The following RASGRP3 variants were observed in gnomAD, a reference collection of about 807,000 sequenced individuals.
RASGRP3 encodes the protein RAS guanyl releasing protein 3.
A neutral mutation model predicts 82.7 loss-of-function variants in RASGRP3; 54 were observed. That is an observed-to-expected ratio of 0.65 (90% CI 0.52 to 0.82). The LOEUF (loss-of-function observed/expected upper bound fraction) is 0.82. RASGRP3 is among the 40% of genes least tolerant of loss of function. The pLI, the probability that RASGRP3 is intolerant of heterozygous loss-of-function variation, is 0.00. For synonymous variants in RASGRP3, 309 were observed against 300.5 expected, an observed-to-expected ratio of 1.03 and a Z score of -0.29; for missense variants, 861 against 828.9, an observed-to-expected ratio of 1.04 and a Z score of -0.48.
chr2:33,561,740 T>C (rs1229177437), intron 17 of RASGRP3, among the ~76,000 whole-genome samples: 1 of 152,108 alleles, frequency 6.6e-6, no homozygotes, highest in East Asian at 1.9e-4. Context: ...ACAGAAAAGG[T>C]ACGTGTGTTT....
chr2:33,534,694 ATTTTTT>A (rs71910431), intron 11 of RASGRP3, among the ~76,000 whole-genome samples: 44 of 122,208 alleles, frequency 3.6e-4, no homozygotes, highest in African/African-American at 1.3e-3. Flanking sequence ...ACACCCAGCA[ATTTTTT>A]TTTTTTTTTT....
Position 33,529,486 on chromosome 2 carries a change from T to G in RASGRP3, c.1083+2074T>G, listed in dbSNP as rs867457296. Among the ~76,000 whole-genome samples, 24 of 6,080 alleles carry G rather than the reference T, an allele frequency of 3.9e-3. 1 individual carries two copies. Among genetic ancestry groups the G allele is most frequent in the Non-Finnish European group, 6.6e-3 (23 of 3,470 alleles). The allele number at this position is 6,080 out of a possible 152,430, so 4.0% of individuals were successfully genotyped here. A position where few individuals can be genotyped will look rare whatever the true frequency, so the allele number is the denominator to read the frequency against. ...CTGGGCGACAGAGCGAGACTCCATC[T>G]CAAAAAAAAAAAAATTCAGGAGTAC... On this transcript the variant is annotated intron_variant, in intron 10 of 17. Transcript: ENST00000403687.
At chr2:33,479,884 A>G (rs906470320) in intron 1 of RASGRP3, among the ~76,000 whole-genome samples, 7 of 151,878 alleles carry the variant, frequency 4.6e-5, no homozygotes, top group Non-Finnish European at 7.4e-5. Context: ...AGCACCAGGT[A>G]GTATGTAATC....
At chr2:33,547,935 A>T (rs1444310435) in intron 13 of RASGRP3, among the ~76,000 whole-genome samples, 1 of 152,122 alleles carries the variant, frequency 6.6e-6, no homozygotes, top group Admixed American at 6.6e-5. Flanking sequence ...CCTCCTGCCA[A>T]TGAGAAAAGG....
rs1674482750 is a variant in RASGRP3 at position 33,543,715 on chromosome 2, A to C, written c.1394+88A>C. 23 of 911,628 alleles carry C rather than the reference A, an allele frequency of 2.5e-5. No individual in the cohort carries two copies. In the East Asian group the frequency reaches 6.1e-4, roughly 24 times the overall value. 56.5% of individuals were successfully genotyped at this position (911,628 alleles called of 1,614,324 possible). On this transcript the variant is annotated intron_variant, in intron 13 of 17. Coordinates refer to ENST00000403687, the MANE Select transcript of RASGRP3 (RefSeq NM_001139488.2). ...GAGAGAAGGGAAACTTGTAATTTGCATCTTGACAGCTTCAACCCTGGTGCT... is the reference window on the plus strand; with the variant it reads ...GAGAGAAGGGAAACTTGTAATTTGCCTCTTGACAGCTTCAACCCTGGTGCT...
chr2:33,460,601 A>G (rs1574247872), intron 2 of RASGRP3, among the ~76,000 whole-genome samples: 1 of 147,490 alleles, frequency 6.8e-6, no homozygotes, highest in Admixed American at 6.9e-5. Context: ...TGCAACTTTC[A>G]CCTCCCGTGT....
chr2:33,494,848 A>C (rs1033303646), intron 1 of RASGRP3, among the ~76,000 whole-genome samples: 1 of 152,204 alleles, frequency 6.6e-6, no homozygotes, highest in African/African-American at 2.4e-5. Context: ...AAACTCTAAA[A>C]CTTGAAGGCA....
At chr2:33,497,999 C>A (rs1314773546) in intron 1 of RASGRP3, among the ~76,000 whole-genome samples, 4 of 152,182 alleles carry the variant, frequency 2.6e-5, no homozygotes, top group Non-Finnish European at 4.4e-5. Flanking sequence ...TCTTTCCTTT[C>A]TCCAGCCCTT....
chr2:33,446,148 T>A (rs1297058736), intron 1 of RASGRP3, among the ~76,000 whole-genome samples: 1 of 152,136 alleles, frequency 6.6e-6, no homozygotes, highest in Non-Finnish European at 1.5e-5. Flanking sequence ...AGGGTAATTT[T>A]GTTCGTTTGT....
At position 33,522,017 on chromosome 2, in the gene RASGRP3, C is replaced by T. The variant is rs761072531; in HGVS notation, c.431C>T (p.Ala144Val). The part of the protein sequence containing the change: ...QRKKVSKKGK[A>V]CLLFDHLEPI... ...AAAAAAGTATCCAAGAAGGGAAAAG[C>T]CTGTCTGCTGTTTGACCATCTGGAG... is the stretch of plus-strand genomic sequence containing the variant. The change falls in exon 7 of 18, where the codon GCC becomes GTC. Residue 144 changes from alanine (A) to valine (V), a missense_variant. Coordinates refer to ENST00000403687, the MANE Select transcript of RASGRP3 (RefSeq NM_001139488.2). 3 of 1,613,860 alleles carry T rather than the reference C, an allele frequency of 1.9e-6. No individual in the cohort carries two copies. Among genetic ancestry groups the T allele is most frequent in the African/African-American group, 2.7e-5 (2 of 75,032 alleles).
chr2:33,461,033 C>T (rs995415235), intron 2 of RASGRP3, among the ~76,000 whole-genome samples: 4 of 152,168 alleles, frequency 2.6e-5, no homozygotes, highest in Non-Finnish European at 5.9e-5. Context: ...TTTCTCACTG[C>T]CACGCGTTTA....
At chr2:33,513,498 A>T (rs551072914) in intron 2 of RASGRP3, among the ~76,000 whole-genome samples, 3 of 152,214 alleles carry the variant, frequency 2.0e-5, no homozygotes, top group African/African-American at 7.2e-5. Context: ...CAGGTGCTCA[A>T]TGATTGCCAG....
intron 1 of RASGRP3, among the ~76,000 whole-genome samples, chr2:33,487,967 T>C (rs1668536576): frequency 6.6e-6 from 1 of 152,194 alleles, no homozygotes; most frequent in South Asian, 2.1e-4. Flanking sequence ...ATCACGTATA[T>C]ATGTATATTA....
intron 1 of RASGRP3, among the ~76,000 whole-genome samples, chr2:33,486,273 C>A (rs1165249439): frequency 6.6e-6 from 1 of 151,920 alleles, no homozygotes; most frequent in Non-Finnish European, 1.5e-5. Flanking sequence ...AAGCGATTCT[C>A]CTGCCTCAGC....
At chr2:33,520,323 C>G (rs1482177054) in intron 5 of RASGRP3, among the ~76,000 whole-genome samples, 1 of 152,176 alleles carries the variant, frequency 6.6e-6, no homozygotes, top group Non-Finnish European at 1.5e-5. Context: ...GAAGGGTTTC[C>G]TCTCAACTGA....
At chr2:33,440,224 A>G (rs1295780219) in intron 1 of RASGRP3, among the ~76,000 whole-genome samples, 2 of 152,162 alleles carry the variant, frequency 1.3e-5, no homozygotes, top group African/African-American at 4.8e-5. Context: ...GAGAACTGGA[A>G]ATAAAAACGA....
intron 1 of RASGRP3, among the ~76,000 whole-genome samples, chr2:33,440,761 T>A (rs900530672): frequency 6.6e-6 from 1 of 152,226 alleles, no homozygotes. Context: ...ATGAAGAATC[T>A]ATAATCTCAT....
At chr2:33,541,199 T>C (rs1460823825) in intron 12 of RASGRP3, among the ~76,000 whole-genome samples, 2 of 147,322 alleles carry the variant, frequency 1.4e-5, no homozygotes, top group Non-Finnish European at 3.0e-5. Flanking sequence ...TAAAGGAAGA[T>C]AGAATCATCA....
chr2:33,503,684 G>A (rs1670087599), intron 1 of RASGRP3, among the ~76,000 whole-genome samples: 1 of 151,880 alleles, frequency 6.6e-6, no homozygotes, highest in Non-Finnish European at 1.5e-5. Flanking sequence ...TTCAAACTGA[G>A]ACATTACCAT....
Sources: allele counts gnomAD v4.1 joint callset (sites outside exome capture counted in the v4.1 genomes callset), GRCh38; gene constraint gnomAD v4.1.1; transcripts MANE v1.5; gene names NCBI Gene and HGNC (gene_info 2026-07-23, HGNC 2026-07-21).